Variants in PSMA3 observed in about 807,000 individuals in gnomAD.
PSMA3 encodes the protein proteasome subunit alpha type-3.
In PSMA3, 8 loss-of-function variants were observed where a neutral mutation model predicts 40.0. That is an observed-to-expected ratio of 0.20 (90% confidence interval 0.12 to 0.36). PSMA3 has a LOEUF of 0.36. PSMA3 is among the 10% of genes least tolerant of loss of function. PSMA3 has a pLI of 1.00. For missense variants in PSMA3, 219 were observed against 310.6 expected, an observed-to-expected ratio of 0.70 and a Z score of 2.22; for synonymous variants, 110 against 100.0, an observed-to-expected ratio of 1.10 and a Z score of -0.59.
At chr14:58,263,017 C>G (rs372068089) in intron 6 of PSMA3, among the ~76,000 whole-genome samples, 1 of 139,112 alleles carries the variant, frequency 7.2e-6, no homozygotes, top group East Asian at 2.1e-4. Flanking sequence ...GAGTCTCACT[C>G]TGTTGCCCAG....
At chr14:58,263,884 C>A in intron 7 of PSMA3, 114 bp downstream of exon 7, 3 of 889,616 alleles carry the variant, frequency 3.4e-6, no homozygotes, top group Non-Finnish European at 5.5e-6. Flanking sequence ...CTTCCCTGGG[C>A]CACACATAAA....
In PSMA3 at chr14:58,255,424, C is replaced by T. The variant is rs191863388; in HGVS notation, c.229-2321C>T. Among the ~76,000 whole-genome samples, 207 of 152,218 alleles carry T rather than the reference C, an allele frequency of 1.4e-3. 1 individual carries two copies. Among genetic ancestry groups the T allele is most frequent in the Non-Finnish European group, 2.6e-3 (176 of 68,018 alleles). On this transcript the variant is annotated intron_variant, in intron 3 of 10. Transcript: ENST00000216455. ...TGGCATTGAAAGGAATGTAGTAAAACGATCTAATGTTCAAACGGAACTACT... is the reference window on the plus strand; with the variant it reads ...TGGCATTGAAAGGAATGTAGTAAAATGATCTAATGTTCAAACGGAACTACT...
intron 6 of PSMA3, among the ~76,000 whole-genome samples, chr14:58,261,619 T>C (rs2140090284): frequency 6.6e-6 from 1 of 152,318 alleles, no homozygotes; most frequent in Admixed American, 6.5e-5. Context: ...CTTAAAACTG[T>C]ATTTAATGTC....
chr14:58,256,852 C>T (rs1206603333), intron 3 of PSMA3, among the ~76,000 whole-genome samples: 1 of 151,916 alleles, frequency 6.6e-6, no homozygotes, highest in Non-Finnish European at 1.5e-5. Flanking sequence ...GGCACGGCGG[C>T]TCACACCCAT....
intron 7 of PSMA3, chr14:58,265,093 C>T (rs1311926711): frequency 6.6e-6 from 1 of 152,060 alleles, no homozygotes; most frequent in African/African-American, 2.4e-5. Flanking sequence ...AAGACCCTAT[C>T]TCCCAAAACA....
At chr14:58,247,096 C>A (rs955802946) in intron 1 of PSMA3, among the ~76,000 whole-genome samples, 1 of 152,186 alleles carries the variant, frequency 6.6e-6, no homozygotes, top group African/African-American at 2.4e-5. Context: ...TGCCAAATGT[C>A]AAGAAGACTT....
chr14:58,248,580 A>T (rs1405224647), intron 2 of PSMA3, among the ~76,000 whole-genome samples: 2 of 152,212 alleles, frequency 1.3e-5, no homozygotes, highest in African/African-American at 4.8e-5. Context: ...ATACGATTTT[A>T]AAAAGTCAGA....
At chr14:58,251,313 T>C (rs1390790475) in intron 2 of PSMA3, among the ~76,000 whole-genome samples, 1 of 152,212 alleles carries the variant, frequency 6.6e-6, no homozygotes, top group Non-Finnish European at 1.5e-5. Context: ...TGAGACAGGG[T>C]CTCACTCTGT....
intron 6 of PSMA3, among the ~76,000 whole-genome samples, chr14:58,261,629 C>CT (rs931576926): frequency 1.6e-4 from 24 of 151,864 alleles, no homozygotes; most frequent in Non-Finnish European, 2.8e-4. Context: ...TATTTAATGT[C>CT]TTTTTTCCTC....
intron 2 of PSMA3, among the ~76,000 whole-genome samples, chr14:58,248,677 G>A (rs1294836657): frequency 2.0e-5 from 3 of 152,138 alleles, no homozygotes; most frequent in Admixed American, 6.5e-5. Flanking sequence ...AAATGCAGCC[G>A]GGCGTGGTGG....
At chr14:58,245,855 A>T (rs1306759369) in intron 1 of PSMA3, among the ~76,000 whole-genome samples, 1 of 152,248 alleles carries the variant, frequency 6.6e-6, no homozygotes, top group African/African-American at 2.4e-5. Flanking sequence ...TCTAAATTTG[A>T]TAATAGGCAA....
chr14:58,258,822 A>C (rs551640036), intron 5 of PSMA3, among the ~76,000 whole-genome samples: 1 of 152,352 alleles, frequency 6.6e-6, no homozygotes, highest in South Asian at 2.1e-4. Flanking sequence ...TACATATACT[A>C]ACATCTGAGT....
At chr14:58,245,131 G>A (rs997720724) in intron 1 of PSMA3, 190 bp downstream of exon 1, 1 of 664,566 alleles carries the variant, frequency 1.5e-6, no homozygotes. Context: ...TCAGGTGACC[G>A]TGACTCCTGA....
chr14:58,249,808 A>T (rs1034846316), intron 2 of PSMA3, among the ~76,000 whole-genome samples: 1 of 152,202 alleles, frequency 6.6e-6, no homozygotes, highest in Non-Finnish European at 1.5e-5. Context: ...ACCCAGCCGA[A>T]GTCTTTGAAT....
rs564372797 is a variant in PSMA3, at chr14:58,257,393, G to A, written c.229-352G>A. On this transcript the variant is annotated intron_variant, in intron 3 of 10. Coordinates refer to ENST00000216455, the MANE Select transcript of PSMA3 (RefSeq NM_002788.4). ...GGCGCCTGTAGTCCCAGCTACTCAGGAGGCTGAGGCAGGAGAATGGCATGA... is the reference window on the plus strand; with the variant it reads ...GGCGCCTGTAGTCCCAGCTACTCAGAAGGCTGAGGCAGGAGAATGGCATGA... Among the ~76,000 whole-genome samples the A allele has an allele frequency of 2.0e-5, 3 of 152,148 alleles. No individual in the cohort carries two copies. In the South Asian group the frequency reaches 6.2e-4, roughly 32 times the overall value.
intron 8 of PSMA3, among the ~76,000 whole-genome samples, chr14:58,268,346 A>G (rs1890507062): frequency 6.6e-6 from 1 of 152,200 alleles, no homozygotes; most frequent in South Asian, 2.1e-4. Flanking sequence ...ATGGTAGTGT[A>G]TCAGGTTTTA....
chr14:58,271,042 G>A (rs1361408322), intron 10 of PSMA3, 44 bp downstream of exon 10: 1 of 1,466,880 alleles, frequency 6.8e-7, no homozygotes, highest in Admixed American at 1.8e-5. Flanking sequence ...GTACAGTCAG[G>A]GAATCACTTA....
At chr14:58,262,076 T>C (rs559077755) in intron 6 of PSMA3, among the ~76,000 whole-genome samples, 62 of 152,252 alleles carry the variant, frequency 4.1e-4, no homozygotes, top group Non-Finnish European at 7.4e-4. Context: ...ATTACAGGCA[T>C]GTACTACCAT....
At chr14:58,264,908 T>C (rs891801799) in intron 7 of PSMA3, 2 of 152,244 alleles carry the variant, frequency 1.3e-5, no homozygotes, top group African/African-American at 2.4e-5. Flanking sequence ...TAGGTTCCTA[T>C]CTTCTACTCT....
Sources: allele counts gnomAD v4.1 joint callset (sites outside exome capture counted in the v4.1 genomes callset), GRCh38; gene constraint gnomAD v4.1.1; transcripts MANE v1.5; gene names NCBI Gene and HGNC (gene_info 2026-07-23, HGNC 2026-07-21).